The following LRMDA variants were observed in gnomAD, a reference collection of about 807,000 sequenced individuals.
LRMDA encodes leucine-rich melanocyte differentiation-associated protein.
LRMDA carries 18 observed loss-of-function variants against 29.8 expected under a neutral mutation model. The observed-to-expected ratio is 0.60, with a 90% CI of 0.42 to 0.90. LRMDA has a LOEUF of 0.90. Among genes scored for constraint, LRMDA ranks in the 40% least tolerant of loss-of-function variants. The pLI, the probability that LRMDA is intolerant of heterozygous loss-of-function variation, is 0.00. For missense variants in LRMDA, 273 were observed against 273.9 expected, an observed-to-expected ratio of 1.00 and a Z score of 0.02; for synonymous variants, 125 against 109.4, an observed-to-expected ratio of 1.14 and a Z score of -0.89.
At chr10:75,795,646 T>C (rs1446895316) in intron 2 of LRMDA, among the ~76,000 whole-genome samples, 4 of 152,214 alleles carry the variant, frequency 2.6e-5, no homozygotes, top group Non-Finnish European at 5.9e-5. Context: ...AGCTTTATAG[T>C]AAGGATTTAA....
chr10:76,123,211 T>C (rs1214649368), intron 5 of LRMDA, among the ~76,000 whole-genome samples: 1 of 152,006 alleles, frequency 6.6e-6, no homozygotes, highest in Admixed American at 6.6e-5. Context: ...TCCCTCCTTA[T>C]TAAGAAGGTT....
At chr10:76,126,171 G>A (rs1849879570) in intron 5 of LRMDA, among the ~76,000 whole-genome samples, 1 of 152,180 alleles carries the variant, frequency 6.6e-6, no homozygotes, top group Admixed American at 6.5e-5. Flanking sequence ...CCTGCTCTAG[G>A]ACTTGTGTGG....
At chr10:76,379,087 C>T (rs967972735) in intron 6 of LRMDA, among the ~76,000 whole-genome samples, 1 of 151,652 alleles carries the variant, frequency 6.6e-6, no homozygotes, top group Non-Finnish European at 1.5e-5. Flanking sequence ...AGACTCCTGA[C>T]CTCAGGTGAT....
rs1430165477 is a variant in LRMDA, at chr10:75,563,638, G to GT, written c.131+125150dup. On this transcript the variant is annotated intron_variant, in intron 2 of 6. Transcript: ENST00000611255. The stretch of plus-strand genomic sequence containing the variant: ...TTAGAGTTTCCAGTTTTACTGTTCT[G>GT]TTTTTTCCCCATCTTTGTGGTTTTA... 3.3e-5 allele frequency among the ~76,000 whole-genome samples: 5 copies of GT among 152,208 alleles called. No individual in the cohort carries two copies. The South Asian group carries it at 8.3e-4, about 25-fold the overall frequency.
chr10:75,599,812 T>G (rs947673772), intron 2 of LRMDA, among the ~76,000 whole-genome samples: 2 of 152,198 alleles, frequency 1.3e-5, no homozygotes, highest in Non-Finnish European at 2.9e-5. Context: ...AATAGCCACA[T>G]GTGGCTACCA....
At chr10:76,430,956 A>T (rs1005411335) in intron 6 of LRMDA, among the ~76,000 whole-genome samples, 1 of 152,186 alleles carries the variant, frequency 6.6e-6, no homozygotes, top group African/African-American at 2.4e-5. Flanking sequence ...TTCCTAATGA[A>T]TTAAAAACCA....
chr10:75,826,904 T>C (rs1324787349), intron 2 of LRMDA, among the ~76,000 whole-genome samples: 1 of 152,196 alleles, frequency 6.6e-6, no homozygotes, highest in African/African-American at 2.4e-5. Flanking sequence ...TTAGTGGTCA[T>C]ATTTGAAAAA....
chr10:76,532,094 G>T (rs140348439), intron 6 of LRMDA, among the ~76,000 whole-genome samples: 68 of 152,108 alleles, frequency 4.5e-4, no homozygotes, highest in African/African-American at 1.5e-3. Flanking sequence ...TGTTACATAG[G>T]TATACGCGTG....
chr10:75,747,942 G>C (rs1842908490), intron 2 of LRMDA, among the ~76,000 whole-genome samples: 1 of 152,010 alleles, frequency 6.6e-6, no homozygotes, highest in African/African-American at 2.4e-5. Context: ...TTTGCTTAAG[G>C]CTCCTAATAA....
intron 2 of LRMDA, among the ~76,000 whole-genome samples, chr10:75,751,962 T>G (rs1842974442): frequency 6.6e-6 from 1 of 151,998 alleles, no homozygotes; most frequent in Non-Finnish European, 1.5e-5. Flanking sequence ...CTTTCAATCC[T>G]TTAGTTTAAA....
chr10:75,618,612 T>C (rs1253910266), intron 2 of LRMDA, among the ~76,000 whole-genome samples: 1 of 149,478 alleles, frequency 6.7e-6, no homozygotes, highest in Non-Finnish European at 1.5e-5. Context: ...AAACTTTGAC[T>C]CAAAACCTAA....
At chr10:76,028,709 A>G (rs1428595256) in intron 2 of LRMDA, among the ~76,000 whole-genome samples, 1 of 152,164 alleles carries the variant, frequency 6.6e-6, no homozygotes, top group Non-Finnish European at 1.5e-5. Flanking sequence ...AGTATTCTTC[A>G]GGTACATTTT....
At chr10:75,705,757 G>A (rs1017819433) in intron 2 of LRMDA, among the ~76,000 whole-genome samples, 3 of 152,226 alleles carry the variant, frequency 2.0e-5, no homozygotes, top group Admixed American at 6.5e-5. Context: ...ATCCCACAAA[G>A]CGTCCCTGCA....
chr10:75,470,003 A>G (rs1844706949), intron 2 of LRMDA, among the ~76,000 whole-genome samples: 1 of 152,068 alleles, frequency 6.6e-6, no homozygotes, highest in Non-Finnish European at 1.5e-5. Context: ...GTGGCCCCAC[A>G]CTTCTGGTTC....
In LRMDA at chr10:76,058,710, C is replaced by A; in HGVS notation, c.443C>A (p.Ala148Asp). 1 of 1,613,958 alleles carries A rather than the reference C, an allele frequency of 6.2e-7. No homozygotes were observed. Among genetic ancestry groups the A allele is most frequent in the Non-Finnish European group, 8.5e-7 (1 of 1,179,962 alleles). The change falls in exon 5 of 7, where the codon GCC (alanine) becomes GAC (aspartate). Residue 148 changes from alanine to aspartate, a missense_variant. Ala to Asp is a moderately radical substitution (Grantham distance 126). Transcript: ENST00000611255. ...YKLPNLKFLD[A>D]QKVTRQEREE... The stretch of plus-strand genomic sequence containing the variant: ...CTGCCCAACTTGAAATTTCTGGATG[C>A]CCAGAAAGTAACCAGACAAGAACGA...
At chr10:76,278,819 T>C (rs991912202) in intron 5 of LRMDA, among the ~76,000 whole-genome samples, 2 of 152,202 alleles carry the variant, frequency 1.3e-5, no homozygotes, top group Non-Finnish European at 2.9e-5. Context: ...TGAAAGATTC[T>C]TTTACTTTGC....
chr10:75,602,556 G>C (rs1202433330), intron 2 of LRMDA, among the ~76,000 whole-genome samples: 2 of 152,128 alleles, frequency 1.3e-5, no homozygotes, highest in Non-Finnish European at 2.9e-5. Context: ...CTGCTCCACT[G>C]TTGATCCCCC....
At chr10:75,852,895 T>TAA (rs71024574) in intron 2 of LRMDA, among the ~76,000 whole-genome samples, 1 of 26,348 alleles carries the variant, frequency 3.8e-5, no homozygotes, top group Non-Finnish European at 1.3e-4. Flanking sequence ...GAGGATTAAT[T>TAA]CACAGTTCTA....
intron 2 of LRMDA, among the ~76,000 whole-genome samples, chr10:75,756,386 GAGGACT>G (rs1250611913): frequency 1.3e-5 from 2 of 152,220 alleles, no homozygotes; most frequent in African/African-American, 4.8e-5. Context: ...ATTGGGTCAT[GAGGACT>G]AGGACTACAT....
Sources: gnomAD v4.1 joint callset for allele counts (sites outside exome capture counted in the v4.1 genomes callset) on GRCh38, gnomAD v4.1.1 for gene constraint, MANE v1.5 for transcripts, NCBI Gene and HGNC (gene_info 2026-07-23, HGNC 2026-07-21) for gene names.